The following ASTN2 variants were observed in gnomAD, a reference collection of about 807,000 sequenced individuals.
The protein encoded by ASTN2 is astrotactin-2.
In ASTN2, 54 loss-of-function variants were observed where a neutral mutation model predicts 139.8. That is an observed-to-expected ratio of 0.39 (90% CI 0.31 to 0.48). The LOEUF (loss-of-function observed/expected upper bound fraction) is 0.48, where lower values mean the gene tolerates loss of function less well. Among genes scored for constraint, ASTN2 ranks in the 20% least tolerant of loss-of-function variants. The pLI is 0.95. For synonymous variants in ASTN2, 756 were observed against 719.5 expected, an observed-to-expected ratio of 1.05 and a Z score of -0.81; for missense variants, 1,565 against 1,725.1, an observed-to-expected ratio of 0.91 and a Z score of 1.64.
At chr9:117,110,091 A>G (rs1462194485) in intron 4 of ASTN2, among the ~76,000 whole-genome samples, 3 of 152,270 alleles carry the variant, frequency 2.0e-5, no homozygotes, top group Non-Finnish European at 2.9e-5. Context: ...ATGTTCATAA[A>G]TTTTTGGTTA....
chr9:116,482,101 C>A (rs182954625), intron 20 of ASTN2, among the ~76,000 whole-genome samples: 1 of 152,092 alleles, frequency 6.6e-6, no homozygotes, highest in African/African-American at 2.4e-5. Flanking sequence ...CCGAGGCAGG[C>A]GGATCACAAG....
rs192277886 is a variant in ASTN2 at position 117,380,113 on chromosome 9, A to G, written c.442+34384T>C. Among the ~76,000 whole-genome samples the G allele has an allele frequency of 3.0e-3, 458 of 152,250 alleles. 4 individuals carry two copies. The highest frequency in any genetic ancestry group is 0.01 in the African/African-American group (434 of 41,554). Reference sequence around the variant, plus strand: ...GGCTCTGAAAAAGATGAAGGGATCCATTTATGTTTTTACTCCACAGTACTT... The same window carrying G: ...GGCTCTGAAAAAGATGAAGGGATCCGTTTATGTTTTTACTCCACAGTACTT... On this transcript the variant is annotated intron_variant, in intron 1 of 22. Transcript: ENST00000313400.
intron 19 of ASTN2, among the ~76,000 whole-genome samples, chr9:116,525,734 G>A (rs1159564130): frequency 6.6e-6 from 1 of 152,092 alleles, no homozygotes; most frequent in Non-Finnish European, 1.5e-5. Flanking sequence ...TATCCTGCAG[G>A]TGCCAGCTTA....
At chr9:116,768,473 T>C (rs911351818) in intron 13 of ASTN2, among the ~76,000 whole-genome samples, 3 of 152,180 alleles carry the variant, frequency 2.0e-5, no homozygotes, top group Admixed American at 2.0e-4. Context: ...TGACTTTTTG[T>C]TTTCTTGTCT....
chr9:116,773,342 T>G (rs543834169), intron 13 of ASTN2, among the ~76,000 whole-genome samples: 21 of 152,188 alleles, frequency 1.4e-4, no homozygotes, highest in Non-Finnish European at 2.8e-4. Flanking sequence ...TTTTCCTCTC[T>G]GAAAGTCTCT....
At chr9:117,042,648 A>G (rs996859274) in intron 5 of ASTN2, among the ~76,000 whole-genome samples, 5 of 151,866 alleles carry the variant, frequency 3.3e-5, no homozygotes, top group Admixed American at 2.0e-4. Flanking sequence ...TATAAATATA[A>G]ATAGATAAAA....
At chr9:117,392,743 A>C (rs954890176) in intron 1 of ASTN2, among the ~76,000 whole-genome samples, 1 of 152,212 alleles carries the variant, frequency 6.6e-6, no homozygotes, top group Non-Finnish European at 1.5e-5. Flanking sequence ...TTTTCTTCTG[A>C]AACTACCCAG....
intron 12 of ASTN2, among the ~76,000 whole-genome samples, chr9:116,818,573 C>A (rs1372984240): frequency 2.0e-5 from 3 of 152,140 alleles, no homozygotes; most frequent in Non-Finnish European, 2.9e-5. Flanking sequence ...CTCACCCATT[C>A]AATCTTCTTT....
rs538652344 is a variant in ASTN2 at position 116,430,484 on chromosome 9, G to A, written c.3783-4396C>T. 4.6e-5 allele frequency among the ~76,000 whole-genome samples: 7 copies of A among 152,308 alleles called. No homozygotes were observed. In the East Asian group the frequency reaches 1.4e-3, roughly 29 times the overall value. On this transcript the variant is annotated intron_variant, in intron 22 of 22. Coordinates refer to ENST00000313400, the MANE Select transcript of ASTN2 (RefSeq NM_001365068.1). ...AAAATGTGAATAATGGTTTTGCTGG[G>A]AGGATGAGATAATAAGGAAAATTTG...
chr9:116,570,084 C>T (rs1358383933), intron 19 of ASTN2, among the ~76,000 whole-genome samples: 1 of 152,180 alleles, frequency 6.6e-6, no homozygotes, highest in African/African-American at 2.4e-5. Context: ...GGCTCCCTAA[C>T]TTTGTTGTCT....
intron 19 of ASTN2, among the ~76,000 whole-genome samples, chr9:116,549,190 C>G (rs532797958): frequency 2.2e-3 from 315 of 141,764 alleles, no homozygotes; most frequent in African/African-American, 7.0e-3. Context: ...ATAAAAAGAT[C>G]AGAGGAGGAG....
intron 2 of ASTN2, among the ~76,000 whole-genome samples, chr9:117,269,280 T>C (rs1834007638): frequency 6.6e-6 from 1 of 152,206 alleles, no homozygotes; most frequent in Non-Finnish European, 1.5e-5. Flanking sequence ...AGGCCCCCAG[T>C]TGAGAGACTA....
At chr9:117,067,572 C>T (rs1827989895) in intron 5 of ASTN2, among the ~76,000 whole-genome samples, 1 of 144,596 alleles carries the variant, frequency 6.9e-6, no homozygotes, top group South Asian at 2.3e-4. Context: ...ATGGGGATGG[C>T]ATTGAATCTG....
chr9:116,590,138 C>T (rs1854320011), intron 19 of ASTN2, among the ~76,000 whole-genome samples: 1 of 152,198 alleles, frequency 6.6e-6, no homozygotes, highest in African/African-American at 2.4e-5. Context: ...CAGGTAGAAG[C>T]CCCACCCACT....
intron 2 of ASTN2, among the ~76,000 whole-genome samples, chr9:117,235,165 C>A (rs566017287): frequency 6.7e-6 from 1 of 149,490 alleles, no homozygotes; most frequent in African/African-American, 2.5e-5. Flanking sequence ...ACCCAGGAGG[C>A]GGAGGTTACA....
At chr9:116,851,291 G>T (rs1216518242) in intron 11 of ASTN2, among the ~76,000 whole-genome samples, 1 of 152,142 alleles carries the variant, frequency 6.6e-6, no homozygotes, top group Non-Finnish European at 1.5e-5. Context: ...GGAGGACAGG[G>T]TTACAATTGG....
At chr9:116,936,617 T>A (rs1835091228) in intron 10 of ASTN2, among the ~76,000 whole-genome samples, 2 of 152,188 alleles carry the variant, frequency 1.3e-5, no homozygotes, top group African/African-American at 4.8e-5. Context: ...ATCAGGCACA[T>A]AACTAACATT....
Position 116,817,022 on chromosome 9 carries a change from C to T in ASTN2, c.2207+3595G>A, listed in dbSNP as rs141894522. On this transcript the variant is annotated intron_variant, in intron 12 of 22. Coordinates refer to ENST00000313400, the MANE Select transcript of ASTN2 (RefSeq NM_001365068.1). Reference sequence around the variant, plus strand: ...TGAAAGGATGAATATTGGCCAGGCACGGTAGCTCACGCCTGTAATCCCAGC... The same window carrying T: ...TGAAAGGATGAATATTGGCCAGGCATGGTAGCTCACGCCTGTAATCCCAGC... Among the ~76,000 whole-genome samples the T allele has an allele frequency of 3.5e-4, 53 of 152,096 alleles. 1 individual carries two copies. The highest frequency in any genetic ancestry group is 1.2e-3 in the African/African-American group (50 of 41,476).
At chr9:117,161,733 G>C (rs1266616395) in intron 3 of ASTN2, among the ~76,000 whole-genome samples, 2 of 152,016 alleles carry the variant, frequency 1.3e-5, no homozygotes, top group African/African-American at 4.8e-5. Context: ...GACTATGTAA[G>C]ATTCATATAT....
Sources: allele counts gnomAD v4.1 joint callset (sites outside exome capture counted in the v4.1 genomes callset), GRCh38; gene constraint gnomAD v4.1.1; transcripts MANE v1.5; gene names NCBI Gene and HGNC (gene_info 2026-07-23, HGNC 2026-07-21).